The following AGMO variants were observed in gnomAD, a reference collection of about 807,000 sequenced individuals.
AGMO encodes glyceryl-ether monooxygenase.
AGMO carries 75 observed loss-of-function variants against 60.2 expected under a neutral mutation model. The observed-to-expected ratio is 1.25, with a 90% CI of 1.03 to 1.51. The LOEUF is 1.51. Ranked by LOEUF, AGMO falls within the 40% of genes most tolerant of loss-of-function variation. AGMO has a pLI of 0.00. For synonymous variants in AGMO, 261 were observed against 177.1 expected (o/e 1.47, Z -3.76); for missense variants, 763 against 525.5 (o/e 1.45, Z -4.42).
chr7:15,398,452 G>A (rs562474783), intron 5 of AGMO, among the ~76,000 whole-genome samples: 10 of 152,232 alleles, frequency 6.6e-5, no homozygotes, highest in Non-Finnish European at 1.0e-4. Context: ...AGCTGGGGAA[G>A]ACCACCTCTG....
chr7:15,275,844 A>G (rs1277742552), intron 12 of AGMO, among the ~76,000 whole-genome samples: 1 of 152,092 alleles, frequency 6.6e-6, no homozygotes, highest in Non-Finnish European at 1.5e-5. Context: ...TATCTGATAT[A>G]ATAATGGTTA....
intron 3 of AGMO, among the ~76,000 whole-genome samples, chr7:15,532,745 C>T (rs893139503): frequency 1.3e-5 from 2 of 152,008 alleles, no homozygotes; most frequent in African/African-American, 4.8e-5. Context: ...AATCTCAGCA[C>T]TTTGGGAGGC....
intron 12 of AGMO, among the ~76,000 whole-genome samples, chr7:15,293,395 C>A (rs1335327915): frequency 1.3e-5 from 2 of 151,888 alleles, no homozygotes; most frequent in African/African-American, 4.8e-5. Context: ...CTAAACCGGG[C>A]GGGTTAGGTA....
intron 5 of AGMO, among the ~76,000 whole-genome samples, chr7:15,408,370 T>C (rs1784759260): frequency 6.6e-6 from 1 of 151,870 alleles, no homozygotes; most frequent in African/African-American, 2.4e-5. Flanking sequence ...TATGAAAATA[T>C]ATAGGAGAGG....
At position 15,525,569 on chromosome 7, in the gene AGMO, T is replaced by C. The variant is rs74449350; in HGVS notation, c.409+19203A>G. On this transcript the variant is annotated intron_variant, in intron 3 of 12. Transcript: ENST00000342526. Reference sequence around the variant, plus strand: ...GATCTGTTTCATTGTTCAAAAAAATTCTTCTCCGCCCTCTTCACCCTTCAA... The same window carrying C: ...GATCTGTTTCATTGTTCAAAAAAATCCTTCTCCGCCCTCTTCACCCTTCAA... 1.4e-4 allele frequency among the ~76,000 whole-genome samples: 21 copies of C among 152,162 alleles called. No homozygotes were observed. The East Asian group carries it at 3.9e-3, about 28-fold the overall frequency.
At chr7:15,154,264 T>G in the AGMO span, among the ~76,000 whole-genome samples, 69 of 152,226 alleles carry the variant, frequency 4.5e-4, no homozygotes, top group African/African-American at 1.6e-3. Context: ...AATCAAGAAC[T>G]CAACCCCTTT....
At chr7:15,291,203 G>A (rs1583370393) in intron 12 of AGMO, among the ~76,000 whole-genome samples, 1 of 152,188 alleles carries the variant, frequency 6.6e-6, no homozygotes, top group Admixed American at 6.5e-5. Context: ...AAATTAAAAT[G>A]TTTGTGGTTA....
rs148223728 is a variant in AGMO, at chr7:15,535,331, G to T, written c.409+9441C>A. ...ATTCCTATTTTTCTAGGAATGGGGGGGCATACTCTTTCTTTTTACCTTTGG... is the reference window on the plus strand; with the variant it reads ...ATTCCTATTTTTCTAGGAATGGGGGTGCATACTCTTTCTTTTTACCTTTGG... On this transcript the variant is annotated intron_variant, in intron 3 of 12. Transcript: ENST00000342526. 7.5e-3 allele frequency among the ~76,000 whole-genome samples: 1,134 copies of T among 151,552 alleles called. 18 individuals are homozygous for T. The highest frequency in any genetic ancestry group is 0.026 in the African/African-American group (1,073 of 41,376).
the AGMO span, among the ~76,000 whole-genome samples, chr7:15,195,010 G>A: frequency 1.3e-5 from 2 of 152,126 alleles, no homozygotes; most frequent in Non-Finnish European, 2.9e-5. Flanking sequence ...GCCTGAATAG[G>A]ATAAGGGGAG....
chr7:15,195,566 C>T (rs547507055), downstream of AGMO, among the ~76,000 whole-genome samples: 225 of 152,306 alleles, frequency 1.5e-3, no homozygotes, highest in African/African-American at 5.1e-3. Flanking sequence ...TTACCGTACA[C>T]GTGGTTAGCA....
chr7:15,486,383 G>A (rs571580467), intron 3 of AGMO, among the ~76,000 whole-genome samples: 1 of 152,156 alleles, frequency 6.6e-6, no homozygotes, highest in Non-Finnish European at 1.5e-5. Flanking sequence ...CTCAGGAACT[G>A]AAGTAAACAA....
rs199707851 is a variant in AGMO at position 15,394,161 on chromosome 7, G to A, written c.628C>T (p.Pro210Ser). ...IHTEVINNLG[P>S]LELILNTPSH... ...GGAGTATTAAGAATCAGTTCCAAAG[G>A]ACCAAGGTTATTGATGACCTGTTTA... Residue 210 changes from proline (P) to serine (S), a missense_variant, in exon 6 of 13, where the codon CCT (proline) becomes TCT (serine). Pro to Ser is a moderately conservative substitution (Grantham distance 74). Transcript: ENST00000342526. 1.4e-5 allele frequency: 23 copies of A among 1,611,222 alleles called. No individual in the cohort carries two copies. The Admixed American group carries it at 2.5e-4, about 18-fold the overall frequency.
chr7:15,445,065 T>C (rs1188584106), intron 3 of AGMO, among the ~76,000 whole-genome samples: 1 of 152,172 alleles, frequency 6.6e-6, no homozygotes, highest in African/African-American at 2.4e-5. Flanking sequence ...AAAGCCAATA[T>C]TTTTTAATAA....
At chr7:15,305,393 T>C (rs1468958327) in intron 12 of AGMO, among the ~76,000 whole-genome samples, 2 of 151,974 alleles carry the variant, frequency 1.3e-5, no homozygotes, top group East Asian at 3.9e-4. Flanking sequence ...TGTGAGCAAT[T>C]TGAGTAAAGT....
chr7:15,505,931 A>C (rs2128527666), intron 3 of AGMO, among the ~76,000 whole-genome samples: 1 of 152,194 alleles, frequency 6.6e-6, no homozygotes, highest in East Asian at 1.9e-4. Context: ...CAGTACTTTA[A>C]AATGAAGAGT....
chr7:15,245,855 A>T (rs888201671), intron 12 of AGMO, among the ~76,000 whole-genome samples: 1 of 152,182 alleles, frequency 6.6e-6, no homozygotes, highest in Non-Finnish European at 1.5e-5. Context: ...ATGGAGGAAA[A>T]GAAGGGAATC....
At chr7:15,459,651 A>C (rs186588138) in intron 3 of AGMO, among the ~76,000 whole-genome samples, 4 of 119,510 alleles carry the variant, frequency 3.3e-5, no homozygotes, top group African/African-American at 1.3e-4. Flanking sequence ...AAAAAACATC[A>C]CACCACCCAA....
At chr7:15,532,125 G>T (rs1421230529) in intron 3 of AGMO, among the ~76,000 whole-genome samples, 1 of 152,162 alleles carries the variant, frequency 6.6e-6, no homozygotes, top group Non-Finnish European at 1.5e-5. Flanking sequence ...ATCTATCCTA[G>T]TGTAGGTTAA....
At chr7:15,397,578 C>CTCCT (rs1406523803) in intron 5 of AGMO, among the ~76,000 whole-genome samples, 2 of 152,180 alleles carry the variant, frequency 1.3e-5, no homozygotes, top group African/African-American at 4.8e-5. Context: ...CCTTACTTTC[C>CTCCT]TCCTTCCTTC....
Sources: allele counts gnomAD v4.1 joint callset (sites outside exome capture counted in the v4.1 genomes callset), GRCh38; gene constraint gnomAD v4.1.1; transcripts MANE v1.5; gene names NCBI Gene and HGNC (gene_info 2026-07-23, HGNC 2026-07-21).